The following PKM variants were observed in gnomAD, a reference collection of about 807,000 sequenced individuals.
PKM encodes pyruvate kinase M1/2, also known as pyruvate kinase PKM.
Under a neutral mutation model 49.8 loss-of-function variants are expected in PKM, and 18 were observed. That is an observed-to-expected ratio of 0.36 (90% CI 0.25 to 0.54). The LOEUF is 0.54. Among genes scored for constraint, PKM ranks in the 20% least tolerant of loss-of-function variants. The pLI is 0.89. For synonymous variants in PKM, 239 were observed against 261.8 expected (o/e 0.91, Z 0.84); for missense variants, 508 against 713.8 (o/e 0.71, Z 3.28).
At chr15:72,201,371 C>G (rs1481399802) in intron 9 of PKM, 1 of 152,246 alleles carries the variant, frequency 6.6e-6, no homozygotes, top group Non-Finnish European at 1.5e-5. Context: ...CAGGCACTTT[C>G]TTGAACACTG....
intron 1 of PKM, among the ~76,000 whole-genome samples, chr15:72,225,578 C>T (rs1308984121): frequency 6.6e-6 from 1 of 152,128 alleles, no homozygotes; most frequent in African/African-American, 2.4e-5. Context: ...ATACTGAACC[C>T]TATAATATTG....
At chr15:72,220,122 C>T (rs6494994) in intron 1 of PKM, among the ~76,000 whole-genome samples, 1 of 152,154 alleles carries the variant, frequency 6.6e-6, no homozygotes, top group African/African-American at 2.4e-5. Flanking sequence ...CCAGACCAGG[C>T]AGTGTTTGAA....
At chr15:72,206,999 T>TG (rs750860797) in intron 7 of PKM, 119 bp from the exon 8 acceptor site, 491 of 1,470,852 alleles carry the variant, frequency 3.3e-4, no homozygotes, top group Non-Finnish European at 4.1e-4. Flanking sequence ...TGTAGGTACA[T>TG]GGGGGAAGGG....
rs545273467 is a variant in PKM at position 72,218,957 on chromosome 15, G to A, written c.141C>T (p.Ile47=). The change falls in exon 2 of 11, where the codon ATC becomes ATT. Residue 47 remains isoleucine (I), a synonymous_variant. Transcript: ENST00000335181. ...ACACCCACTCACCAATGGTACAGAT[G>A]ATGCCAGTGTTCCGGGCTGTGATGG... ...SPPITARNTG[I]ICTIGPASRS... The A allele has an allele frequency of 2.5e-6, 4 of 1,614,180 alleles. No individual in the cohort carries two copies. The Admixed American group carries it at 5.0e-5, about 20-fold the overall frequency.
intron 3 of PKM, among the ~76,000 whole-genome samples, chr15:72,215,596 T>C (rs1567121611): frequency 6.6e-6 from 1 of 152,164 alleles, no homozygotes; most frequent in South Asian, 2.1e-4. Flanking sequence ...CAAAAGCCTC[T>C]TAAAGTTTAA....
intron 8 of PKM, chr15:72,204,280 AG>A (rs2082017789): frequency 6.6e-6 from 1 of 152,258 alleles, no homozygotes; most frequent in African/African-American, 2.4e-5. Flanking sequence ...CAGAAAGGAA[AG>A]GTCTAGCCAC....
chr15:72,199,706 C>T lies in PKM; in HGVS notation c.1540G>A (p.Gly514Arg). ...GTGAAGCCGGAGCCAGGGCGCCATC[C>T]GGTCAGCACAATGACCACATCTCCC... ...KKGDVVIVLT[G>R]WRPGSGFTNT... Residue 514 changes from glycine (G) to arginine (R), a missense_variant, in exon 11 of 11, where the codon GGA (glycine) becomes AGA (arginine). Physicochemically the swap from Gly to Arg is moderately radical, Grantham distance 125. Transcript: ENST00000335181. 3 of 1,614,020 alleles carry T rather than the reference C, an allele frequency of 1.9e-6. No individual in the cohort carries two copies. The highest frequency in any genetic ancestry group is 2.5e-6 in the Non-Finnish European group (3 of 1,179,954).
rs1315530467 is a variant in PKM at position 72,208,779 on chromosome 15, G to C, written c.678C>G (p.Ile226Met). ...GCTCGACCCCAAACTTCAGATCCTG[G>C]ATGTCCTTCTCCGACACAGCAGGCA... The part of the protein sequence containing the change: ...VDLPAVSEKD[I>M]QDLKFGVEQD... Residue 226 changes from isoleucine (I) to methionine (M), a missense_variant, in exon 6 of 11, where the codon ATC becomes ATG. Transcript: ENST00000335181. 6.2e-7 allele frequency: 1 copy of C among 1,614,128 alleles called. No homozygotes were observed. The highest frequency in any genetic ancestry group is 1.7e-5 in the Admixed American group (1 of 60,012).
intron 1 of PKM, among the ~76,000 whole-genome samples, chr15:72,223,934 AT>A (rs200644761): frequency 0.19 from 29,232 of 150,140 alleles, 2,983 homozygotes; most frequent in East Asian, 0.41. Context: ...AAAAAAAAAA[AT>A]CTTGGCTCTT....
intron 3 of PKM, among the ~76,000 whole-genome samples, chr15:72,217,091 CAGGACACCTA>C (rs917738010): frequency 2.5e-4 from 38 of 152,200 alleles, no homozygotes; most frequent in African/African-American, 8.4e-4. Flanking sequence ...GCGCTGTGGC[CAGGACACCTA>C]AGGCTTAGAG....
Position 72,200,773 on chromosome 15 carries a change from A to C in PKM, c.1308-118T>G. ...GCTCACTGAGGGCTCTGGCCTCTTC[A>C]ACATCTGCTCCCTAGGACCCCTCCC... is the stretch of plus-strand genomic sequence containing the variant. On this transcript the variant is annotated intron_variant, in intron 9 of 10. Coordinates refer to ENST00000335181, the MANE Select transcript of PKM (RefSeq NM_002654.6). The surrounding 1 kb of genome is among the most constrained non-coding windows in gnomAD (Gnocchi z 4.6). 1.2e-6 allele frequency: 1 copy of C among 846,816 alleles called. No individual in the cohort carries two copies. Among genetic ancestry groups the C allele is most frequent in the Non-Finnish European group, 1.8e-6 (1 of 541,910 alleles). The allele number at this position is 846,816 out of a possible 1,614,324, so 52.5% of individuals were successfully genotyped here.
At chr15:72,225,369 T>A (rs952215642) in intron 1 of PKM, among the ~76,000 whole-genome samples, 1 of 151,770 alleles carries the variant, frequency 6.6e-6, no homozygotes, top group Non-Finnish European at 1.5e-5. Context: ...TAAATAGAGA[T>A]GGGAATCTTG....
At chr15:72,222,219 G>A (rs1360786530) in intron 1 of PKM, among the ~76,000 whole-genome samples, 3 of 152,162 alleles carry the variant, frequency 2.0e-5, no homozygotes, top group Non-Finnish European at 4.4e-5. Flanking sequence ...GTGGATTTAC[G>A]CATTAGCAGT....
In PKM at chr15:72,206,802, C is replaced by T; in HGVS notation, c.1066G>A (p.Ala356Thr). 6.2e-7 allele frequency: 1 copy of T among 1,614,008 alleles called. No individual in the cohort carries two copies. The highest frequency in any genetic ancestry group is 8.5e-7 in the Non-Finnish European group (1 of 1,179,882). Residue 356 changes from alanine to threonine, a missense_variant, in exon 8 of 11, where the codon GCC (alanine) becomes ACC (threonine). Coordinates refer to ENST00000335181, the MANE Select transcript of PKM (RefSeq NM_002654.6). ...TCTCCAGACAGCATGATGCAGTCGG[C>T]TCCATCCAGGACTGCATTGGCCACA... ...SDVANAVLDG[A>T]DCIMLSGETA... is the part of the protein sequence containing the mutation.
intron 3 of PKM, among the ~76,000 whole-genome samples, chr15:72,212,357 C>T (rs2082275326): frequency 6.6e-6 from 1 of 152,006 alleles, no homozygotes; most frequent in African/African-American, 2.4e-5. Context: ...CACCTGTAGT[C>T]CCAGCTATTC....
At chr15:72,230,427 C>G (rs1294984976) in intron 1 of PKM, among the ~76,000 whole-genome samples, 1 of 152,172 alleles carries the variant, frequency 6.6e-6, no homozygotes, top group African/African-American at 2.4e-5. Flanking sequence ...GGGGTGGGAC[C>G]GCGCTCGGAG....
intron 8 of PKM, among the ~76,000 whole-genome samples, chr15:72,205,626 T>C (rs1433204421): frequency 0.022 from 54 of 2,508 alleles, no homozygotes; most frequent in Admixed American, 0.024. Flanking sequence ...GTGTTTTAGT[T>C]TTTTTTTTTT....
intron 9 of PKM, chr15:72,201,181 G>A (rs2081937899): frequency 6.5e-6 from 1 of 154,130 alleles, no homozygotes; most frequent in African/African-American, 2.4e-5. Flanking sequence ...CCTAGCTCCT[G>A]AAACAGTCCC....
intron 1 of PKM, among the ~76,000 whole-genome samples, chr15:72,223,108 C>T (rs2082570459): frequency 1.3e-5 from 2 of 150,730 alleles, no homozygotes; most frequent in Admixed American, 1.3e-4. Context: ...TAGCTCACTG[C>T]ACCCTCAAAC....
Sources: gnomAD v4.1 joint callset for allele counts (sites outside exome capture counted in the v4.1 genomes callset) on GRCh38, gnomAD v4.1.1 for gene constraint, Gnocchi (gnomAD v3.1) non-coding constraint, MANE v1.5 for transcripts, NCBI Gene and HGNC (gene_info 2026-07-23, HGNC 2026-07-21) for gene names.